NCOA2: variants seen among roughly 807,000 people sequenced by gnomAD.
NCOA2 encodes the protein nuclear receptor coactivator 2.
In NCOA2, 21 loss-of-function variants were observed where a neutral mutation model predicts 145.1. That is an observed-to-expected ratio of 0.14 (90% CI 0.10 to 0.21). NCOA2 has a LOEUF of 0.21. Among genes scored for constraint, NCOA2 ranks in the 10% least tolerant of loss-of-function variants. The pLI is 1.00. For missense variants in NCOA2, 1,472 were observed against 1,837.6 expected (o/e 0.80, Z 3.64); for synonymous variants, 619 against 637.5 (o/e 0.97, Z 0.44).
intron 22 of NCOA2, among the ~76,000 whole-genome samples, chr8:70,120,842 T>C (rs764413531): frequency 3.3e-5 from 5 of 152,166 alleles, no homozygotes; most frequent in East Asian, 1.9e-4. Context: ...CAACGAAATA[T>C]AGAAAACCCT....
the NCOA2 span, among the ~76,000 whole-genome samples, chr8:70,425,663 G>A: frequency 8.4e-3 from 1,285 of 152,208 alleles, 16 homozygotes; most frequent in African/African-American, 0.029. Flanking sequence ...AAATTTCAAC[G>A]TCAATCCTGA....
At chr8:70,346,785 T>A (rs1230372226) in intron 1 of NCOA2, among the ~76,000 whole-genome samples, 1 of 152,232 alleles carries the variant, frequency 6.6e-6, no homozygotes, top group Non-Finnish European at 1.5e-5. Flanking sequence ...CAGAGAAACC[T>A]AACTTTTGTA....
At chr8:70,236,784 A>C (rs1218708768) in intron 2 of NCOA2, among the ~76,000 whole-genome samples, 1 of 152,204 alleles carries the variant, frequency 6.6e-6, no homozygotes, top group Non-Finnish European at 1.5e-5. Flanking sequence ...AGATGATTTA[A>C]AGTATATGGG....
In NCOA2 at chr8:70,399,209, AT is replaced by A. The variant is rs1257106693; in HGVS notation, c.-77+4490del. ...CTTGTAATAGACTTTAGAGAGTAAT[AT>A]GACATATTCTTTTTACAGCTTGCAA... is the stretch of plus-strand genomic sequence containing the variant. On this transcript the variant is annotated intron_variant, in intron 1 of 22. Transcript: ENST00000452400. 7.9e-5 allele frequency among the ~76,000 whole-genome samples: 12 copies of A among 152,386 alleles called. No homozygotes were observed. The East Asian group carries it at 2.3e-3, about 29-fold the overall frequency.
At chr8:70,137,490 G>A (rs755532742) in intron 15 of NCOA2, among the ~76,000 whole-genome samples, 2 of 152,162 alleles carry the variant, frequency 1.3e-5, no homozygotes, top group African/African-American at 2.4e-5. Context: ...CATTTGTCCT[G>A]TGTTATATTC....
chr8:70,344,373 C>A (rs555972100), intron 1 of NCOA2, among the ~76,000 whole-genome samples: 1 of 152,234 alleles, frequency 6.6e-6, no homozygotes, highest in African/African-American at 2.4e-5. Context: ...GCCCACAGAG[C>A]TATAACAGCA....
At chr8:70,430,487 G>A in the NCOA2 span, among the ~76,000 whole-genome samples, 2 of 152,044 alleles carry the variant, frequency 1.3e-5, no homozygotes, top group South Asian at 2.1e-4. Context: ...CCTTGAAACC[G>A]CCACCTTGAT....
the NCOA2 span, chr8:70,424,173 C>A: frequency 3.9e-6 from 1 of 257,846 alleles, no homozygotes; most frequent in South Asian, 4.2e-5. Flanking sequence ...GGCCAGTGGT[C>A]TTAATGTGCT....
the NCOA2 span, among the ~76,000 whole-genome samples, chr8:70,440,706 AAAG>A: frequency 1.4e-3 from 205 of 151,822 alleles, no homozygotes; most frequent in African/African-American, 4.6e-3. Context: ...GAAAGAAAGA[AAAG>A]AAGAAAGAAA....
At chr8:70,142,424 C>T (rs534271080) in intron 13 of NCOA2, among the ~76,000 whole-genome samples, 5 of 152,240 alleles carry the variant, frequency 3.3e-5, no homozygotes, top group Admixed American at 1.3e-4. Flanking sequence ...AGAGGCCAGG[C>T]GCGGTGGCTC....
At chr8:70,274,460 C>T (rs1825315873) in intron 2 of NCOA2, among the ~76,000 whole-genome samples, 1 of 152,154 alleles carries the variant, frequency 6.6e-6, no homozygotes, top group African/African-American at 2.4e-5. Flanking sequence ...TACACAACTC[C>T]AGGGCTTTTT....
intron 4 of NCOA2, among the ~76,000 whole-genome samples, chr8:70,209,544 T>C (rs948452478): frequency 6.6e-6 from 1 of 152,176 alleles, no homozygotes. Context: ...TTCACTGTTA[T>C]CTTACTTTAA....
At position 70,369,193 on chromosome 8, in the gene NCOA2, T is replaced by C. The variant is rs573289087; in HGVS notation, c.-77+34507A>G. On this transcript the variant is annotated intron_variant, in intron 1 of 22. Coordinates refer to ENST00000452400, the MANE Select transcript of NCOA2 (RefSeq NM_006540.4). ...TTGAAACTCAGTTCATTTTACACAC[T>C]GACGTAGTCTAAAAAATTCCACACA... Among the ~76,000 whole-genome samples, 28 of 152,342 alleles carry C rather than the reference T, an allele frequency of 1.8e-4. 1 individual carries two copies. The highest frequency in any genetic ancestry group is 8.5e-4 in the Admixed American group (13 of 15,298).
chr8:70,298,268 G>C (rs535371336), intron 1 of NCOA2, among the ~76,000 whole-genome samples: 5 of 152,258 alleles, frequency 3.3e-5, no homozygotes, highest in African/African-American at 1.2e-4. Flanking sequence ...AGAAACATCT[G>C]ATTTCATAAT....
At chr8:70,451,734 C>A in the NCOA2 span, among the ~76,000 whole-genome samples, 37 of 152,288 alleles carry the variant, frequency 2.4e-4, no homozygotes, top group Non-Finnish European at 5.0e-4. Context: ...TGCTGGATCA[C>A]GATCCTCCAC....
At chr8:70,231,405 G>A (rs1012303955) in intron 2 of NCOA2, among the ~76,000 whole-genome samples, 44 of 152,232 alleles carry the variant, frequency 2.9e-4, no homozygotes, top group Admixed American at 1.4e-3. Context: ...GGCATGTGAT[G>A]TAATGCTGTT....
At chr8:70,124,152 A>C in intron 20 of NCOA2, 70 bp from the exon 21 acceptor site, 1 of 1,452,658 alleles carries the variant, frequency 6.9e-7, no homozygotes, top group South Asian at 1.3e-5. Flanking sequence ...AGCTCAGGGC[A>C]CTTGTTTCTC....
intron 4 of NCOA2, among the ~76,000 whole-genome samples, chr8:70,207,017 T>C (rs1399532761): frequency 1.3e-5 from 2 of 152,218 alleles, no homozygotes; most frequent in African/African-American, 4.8e-5. Flanking sequence ...GTCTGAAAGC[T>C]GATTTTCCCC....
intron 2 of NCOA2, among the ~76,000 whole-genome samples, chr8:70,291,184 A>G (rs1362721255): frequency 6.6e-6 from 1 of 152,222 alleles, no homozygotes; most frequent in African/African-American, 2.4e-5. Flanking sequence ...TTAACAATCT[A>G]TTAAACCACT....
Sources: gnomAD v4.1 joint callset for allele counts (sites outside exome capture counted in the v4.1 genomes callset) on GRCh38, gnomAD v4.1.1 for gene constraint, MANE v1.5 for transcripts, NCBI Gene and HGNC (gene_info 2026-07-23, HGNC 2026-07-21) for gene names.